Variants in HP1BP3 observed in about 807,000 individuals in gnomAD.
The protein encoded by HP1BP3 is heterochromatin protein 1-binding protein 3.
HP1BP3 carries 12 observed loss-of-function variants against 62.5 expected under a neutral mutation model. The observed-to-expected ratio is 0.19, with a 90% CI of 0.12 to 0.31. HP1BP3 has a LOEUF of 0.31. HP1BP3 is among the 10% of genes least tolerant of loss of function. The probability of loss-of-function intolerance (pLI) is 1.00; values close to 1 mark genes in which losing one functional copy is unlikely to be tolerated. For synonymous variants in HP1BP3, 260 were observed against 237.8 expected (o/e 1.09, Z -0.86); for missense variants, 502 against 651.8 (o/e 0.77, Z 2.50).
At chr1:20,779,730 T>A (rs2154541455) in intron 3 of HP1BP3, 82 bp downstream of exon 3, 47 of 686,130 alleles carry the variant, frequency 6.9e-5, no homozygotes, top group Middle Eastern at 3.3e-4. Context: ...AAAAAAACAA[T>A]TAAGTTCAAA....
intron 1 of HP1BP3, 59 bp downstream of exon 1, chr1:20,787,136 C>A (rs1213547116): frequency 2.0e-5 from 3 of 151,744 alleles, no homozygotes; most frequent in African/African-American, 4.8e-5. Flanking sequence ...CCGCCACTCG[C>A]CTTCGGGGCC....
chr1:20,778,894 A>C (rs2057418109), intron 3 of HP1BP3, among the ~76,000 whole-genome samples: 1 of 151,814 alleles, frequency 6.6e-6, no homozygotes, highest in Non-Finnish European at 1.5e-5. Context: ...GGCTCAAGCA[A>C]TTCTTGTGCC....
intron 9 of HP1BP3, among the ~76,000 whole-genome samples, chr1:20,750,579 G>A (rs1382429767): frequency 6.7e-6 from 1 of 150,210 alleles, no homozygotes; most frequent in Non-Finnish European, 1.5e-5. Context: ...TTTTATTTGA[G>A]AATACTTCAC....
intron 8 of HP1BP3, among the ~76,000 whole-genome samples, chr1:20,758,753 C>T (rs1324011214): frequency 6.6e-6 from 1 of 151,832 alleles, no homozygotes; most frequent in Non-Finnish European, 1.5e-5. Context: ...TCAAGCAACC[C>T]TTCCGCTGCT....
intron 8 of HP1BP3, among the ~76,000 whole-genome samples, chr1:20,759,880 ATTTTTTT>A (rs71014104): frequency 1.8e-5 from 2 of 113,014 alleles, no homozygotes; most frequent in African/African-American, 6.8e-5. Flanking sequence ...TTAAAGACCG[ATTTTTTT>A]TTTTTTTTTT....
chr1:20,780,690 T>A, intron 1 of HP1BP3, 150 bp from the exon 2 acceptor site: 1 of 553,696 alleles, frequency 1.8e-6, no homozygotes, highest in East Asian at 2.8e-5. Flanking sequence ...AAGATAAAAC[T>A]ACCAAAATAT....
intron 1 of HP1BP3, among the ~76,000 whole-genome samples, chr1:20,785,005 C>T (rs1170690935): frequency 3.3e-5 from 5 of 152,078 alleles, no homozygotes; most frequent in Non-Finnish European, 7.4e-5. Context: ...ACTGTAGCCT[C>T]GACCTCCTGG....
At chr1:20,760,725 A>C (rs922413225) in intron 8 of HP1BP3, among the ~76,000 whole-genome samples, 1 of 151,866 alleles carries the variant, frequency 6.6e-6, no homozygotes, top group African/African-American at 2.4e-5. Context: ...AATCCCAGCT[A>C]CTCGGGAGGC....
intron 7 of HP1BP3, 148 bp from the exon 8 acceptor site, chr1:20,765,679 T>C: frequency 1.5e-6 from 1 of 651,512 alleles, no homozygotes; most frequent in South Asian, 1.9e-5. Context: ...GCATTAAAAA[T>C]ACATATAAAA....
intron 5 of HP1BP3, among the ~76,000 whole-genome samples, chr1:20,772,158 A>G (rs1329657920): frequency 6.6e-6 from 1 of 152,222 alleles, no homozygotes. Flanking sequence ...CCAATCCGAC[A>G]GTGAGATGGT....
chr1:20,776,730 C>G lies in HP1BP3; in HGVS notation c.217G>C (p.Glu73Gln). ...TGTTCTTCTACAGTGGAGACAGATT[C>G]CTCTGAACTTATGTCTGGTTCTAAA... ...EKPEPDISSE[E>Q]SVSTVEEQEN... Residue 73 changes from glutamate (E) to glutamine (Q), a missense_variant, in exon 4 of 13, where the codon GAA (glutamate) becomes CAA (glutamine). By Grantham distance (29) the Glu-to-Gln change is conservative (BLOSUM62 2). Transcript: ENST00000438032. 6.2e-7 allele frequency: 1 copy of G among 1,611,670 alleles called. No homozygotes were observed. The highest frequency in any genetic ancestry group is 1.1e-5 in the South Asian group (1 of 90,488).
In HP1BP3 at chr1:20,747,586, C is replaced by T; in HGVS notation, c.1211G>A (p.Gly404Glu). The T allele has an allele frequency of 6.2e-7, 1 of 1,613,428 alleles. No individual in the cohort carries two copies. Among genetic ancestry groups the T allele is most frequent in the Non-Finnish European group, 8.5e-7 (1 of 1,179,724 alleles). The change falls in exon 11 of 13, where the codon GGG becomes GAG. Residue 404 changes from glycine to glutamate, a missense_variant. Around this residue, in one of 5 missense-constraint regions of HP1BP3, gnomAD observed 194 missense variants for 207.0 expected, o/e 0.94. Coordinates refer to ENST00000438032, the MANE Select transcript of HP1BP3 (RefSeq NM_001372052.1). Reference protein sequence around the residue: ...NGWMEQISGKGFSGTFQLCFP... With the variant: ...NGWMEQISGKEFSGTFQLCFP... ...ACAGAGCTGGAAGGTGCCACTGAAC[C>T]CTTTCCCAGAGATCTGTTCCATCCA...
chr1:20,783,769 C>CAAAA (rs1164930528), intron 1 of HP1BP3, among the ~76,000 whole-genome samples: 2,223 of 53,160 alleles, frequency 0.042, 252 homozygotes, highest in East Asian at 0.28. Context: ...GACTCTGTCT[C>CAAAA]AAAAAAAAAA....
chr1:20,773,221 A>C (rs1396391808), intron 5 of HP1BP3, among the ~76,000 whole-genome samples: 1 of 152,190 alleles, frequency 6.6e-6, no homozygotes, highest in African/African-American at 2.4e-5. Flanking sequence ...TAAAAATTCT[A>C]AAGTTAAAAT....
Position 20,784,292 on chromosome 1 carries a change from T to G in HP1BP3, c.-101+2903A>C, listed in dbSNP as rs769512048. On this transcript the variant is annotated intron_variant, in intron 1 of 12. Transcript: ENST00000438032. ...ACCCAGTGTACCTATTAACTAAACT[T>G]TTTACTATTGCACTCTGAATGATCA... Among the ~76,000 whole-genome samples, 7 of 151,958 alleles carry G rather than the reference T, an allele frequency of 4.6e-5. No homozygotes were observed. The East Asian group carries it at 1.2e-3, about 25-fold the overall frequency.
In HP1BP3 at chr1:20,743,744, A is replaced by G. The variant is rs777831403; in HGVS notation, c.*1053T>C. On this transcript the variant is annotated 3_prime_UTR_variant, in exon 13 of 13. Transcript: ENST00000438032. ...GTGACACCAGAAATCACAAATCAAT[A>G]TATTTCTACACTTCCCCTTCAGTCA... The G allele has an allele frequency of 6.6e-6, 1 of 152,168 alleles. No homozygotes were observed. The highest frequency in any genetic ancestry group is 1.5e-5 in the Non-Finnish European group (1 of 68,038). The allele number at this position is 152,168 out of a possible 1,614,324, so 9.4% of individuals were successfully genotyped here.
chr1:20,764,562 G>A (rs1401354234), intron 8 of HP1BP3, among the ~76,000 whole-genome samples: 7 of 148,518 alleles, frequency 4.7e-5, no homozygotes, highest in Non-Finnish European at 8.9e-5. Flanking sequence ...CTCTTTTAAT[G>A]TTGTCAACTG....
Position 20,745,066 on chromosome 1 carries a change from A to ACT in HP1BP3, c.1391_1392dup (p.Gly467GlnfsTer7). Reference sequence around the variant, plus strand: ...TTCACAGATGCGGCCTTCCCTGGGGACTTGGCTGGGGTTTTCTTCTGCAAC... The same window carrying ACT: ...TTCACAGATGCGGCCTTCCCTGGGGACTCTTGGCTGGGGTTTTCTTCTGCAAC... On this transcript the variant is annotated frameshift_variant, in exon 13 of 13. Transcript: ENST00000438032. LOFTEE classifies it high-confidence loss of function. 1 of 1,611,102 alleles carries ACT rather than the reference A, an allele frequency of 6.2e-7. No individual in the cohort carries two copies. The highest frequency in any genetic ancestry group is 8.5e-7 in the Non-Finnish European group (1 of 1,179,120).
chr1:20,781,347 G>A (rs2057536851), intron 1 of HP1BP3, among the ~76,000 whole-genome samples: 1 of 152,162 alleles, frequency 6.6e-6, no homozygotes, highest in African/African-American at 2.4e-5. Flanking sequence ...TGACAGTCAT[G>A]CAACTTCTAC....
Sources: allele counts gnomAD v4.1 joint callset (sites outside exome capture counted in the v4.1 genomes callset), GRCh38; gene constraint gnomAD v4.1.1; regional missense constraint gnomAD v4.1.1; transcripts MANE v1.5; gene names NCBI Gene and HGNC (gene_info 2026-07-23, HGNC 2026-07-21).